SUN1: variants seen among roughly 807,000 people sequenced by gnomAD.
SUN1 encodes the protein SUN domain-containing protein 1.
SUN1 carries 61 observed loss-of-function variants against 103.2 expected under a neutral mutation model. That is an observed-to-expected ratio of 0.59 (90% CI 0.48 to 0.73). The LOEUF (loss-of-function observed/expected upper bound fraction) is 0.73. Ranked by LOEUF, SUN1 falls within the 30% of genes least tolerant of loss-of-function variation. The pLI, the probability that SUN1 is intolerant of heterozygous loss-of-function variation, is 0.00. For missense variants in SUN1, 1,052 were observed against 1,034.6 expected (o/e 1.02, Z -0.23); for synonymous variants, 490 against 425.7 (o/e 1.15, Z -1.86).
At chr7:843,622 A>C (rs1166890444) in intron 5 of SUN1, 102 bp downstream of exon 5, 3 of 1,603,624 alleles carry the variant, frequency 1.9e-6, no homozygotes, top group African/African-American at 1.3e-5. Context: ...TTGGAGACTT[A>C]AAATTATCCC....
At chr7:828,027 C>T (rs1175088363), upstream of SUN1, among the ~76,000 whole-genome samples, 1 of 151,890 alleles carries the variant, frequency 6.6e-6, no homozygotes, top group African/African-American at 2.4e-5. Context: ...CCTCAGCCTC[C>T]CGAGTAGCTG....
At chr7:824,011 T>G (rs1788968662) in intron 1 of SUN1, among the ~76,000 whole-genome samples, 1 of 152,214 alleles carries the variant, frequency 6.6e-6, no homozygotes, top group African/African-American at 2.4e-5. Context: ...CAGACCATGC[T>G]TGTGTTCTTG....
At chr7:858,613 C>G (rs528639668) in intron 13 of SUN1, among the ~76,000 whole-genome samples, 2 of 152,160 alleles carry the variant, frequency 1.3e-5, no homozygotes, top group African/African-American at 4.8e-5. Flanking sequence ...CACGCTGTAC[C>G]TGCTGCTTGC....
chr7:848,533 A>G (rs372980156), intron 5 of SUN1: 27 of 1,362,328 alleles, frequency 2.0e-5, no homozygotes, highest in Non-Finnish European at 2.5e-5. Context: ...TCAGTTATGA[A>G]TCAGAAAATT....
At chr7:824,868 G>A (rs545931374) in intron 1 of SUN1, among the ~76,000 whole-genome samples, 3 of 152,162 alleles carry the variant, frequency 2.0e-5, no homozygotes, top group South Asian at 2.1e-4. Context: ...TGCGGGGTGG[G>A]GGCGTCCGCT....
chr7:826,222 T>A (rs1050618235), intron 1 of SUN1, among the ~76,000 whole-genome samples: 7 of 150,932 alleles, frequency 4.6e-5, no homozygotes, highest in African/African-American at 1.7e-4. Flanking sequence ...AATGAGACCC[T>A]GTCTCTTAAA....
At chr7:852,552 T>A (rs1823236678) in intron 7 of SUN1, 57 bp from the exon 8 acceptor site, 1 of 1,605,874 alleles carries the variant, frequency 6.2e-7, no homozygotes, top group African/African-American at 1.3e-5. Context: ...GGAAAACAGA[T>A]TGGTGAACCC....
At chr7:817,153 T>C in intron 1 of SUN1, 1 of 415,318 alleles carries the variant, frequency 2.4e-6, no homozygotes, top group Non-Finnish European at 4.4e-6. Context: ...AGAGGGGGGG[T>C]CTCGCTGTGT....
rs1389937089 is a variant in SUN1, at chr7:842,106, C to A, written c.427C>A (p.Gln143Lys). 2 of 1,614,234 alleles carry A rather than the reference C, an allele frequency of 1.2e-6. No individual in the cohort carries two copies. Among genetic ancestry groups the A allele is most frequent in the Non-Finnish European group, 1.7e-6 (2 of 1,180,042 alleles). Residue 143 changes from glutamine (Q) to lysine (K), a missense_variant, in exon 3 of 19, where the codon CAG becomes AAG. Physicochemically the swap from Gln to Lys is moderately conservative, Grantham distance 53. Transcript: ENST00000401592. ...PVLDESWIRE[Q>K]TTVDHFWGLD... ...ATTGGACGAGTCTTGGATTCGTGAA[C>A]AGACCACAGTGGACCACTTCTGGGG...
intron 5 of SUN1, chr7:850,823 C>A (rs1821361674): frequency 6.6e-6 from 1 of 151,132 alleles, no homozygotes; most frequent in Non-Finnish European, 1.5e-5. Flanking sequence ...TGAGCAGTTT[C>A]CTGCTTTTTG....
intron 15 of SUN1, among the ~76,000 whole-genome samples, chr7:861,813 G>A (rs1252532118): frequency 6.6e-6 from 1 of 152,240 alleles, no homozygotes; most frequent in Non-Finnish European, 1.5e-5. Context: ...AGCTCTCCCC[G>A]AGGGCGTCCA....
Position 852,892 on chromosome 7 carries a change from G to A in SUN1, c.993G>A (p.Arg331=). 6.2e-7 allele frequency: 1 copy of A among 1,614,080 alleles called. No homozygotes were observed. The highest frequency in any genetic ancestry group is 8.5e-7 in the Non-Finnish European group (1 of 1,180,006). ...GGGCAAGCATGCATAGAACACAGCG[G>A]GTGGATGACCCCCAGGACGTGTTTA... ...LNWASMHRTQ[R]VDDPQDVFKP... is the part of the protein sequence containing the mutation. The change falls in exon 9 of 19, where the codon CGG becomes CGA. Residue 331 remains arginine, a synonymous_variant. Transcript: ENST00000401592.
rs762483457 is a variant in SUN1 at position 844,787 on chromosome 7, C to T, written c.658+1267C>T. Among the ~76,000 whole-genome samples, 9 of 152,166 alleles carry T rather than the reference C, an allele frequency of 5.9e-5. No individual in the cohort carries two copies. In the South Asian group the frequency reaches 1.0e-3, roughly 18 times the overall value. On this transcript the variant is annotated intron_variant, in intron 5 of 18. Coordinates refer to ENST00000401592, the MANE Select transcript of SUN1 (RefSeq NM_001130965.3). ...AGCCCCCTTATTACAGACAAGCAAACTGGGGCTTAGCCAGCTCAGGAGGCT... is the reference window on the plus strand; with the variant it reads ...AGCCCCCTTATTACAGACAAGCAAATTGGGGCTTAGCCAGCTCAGGAGGCT...
intron 1 of SUN1, chr7:817,258 C>G: frequency 2.9e-6 from 2 of 687,166 alleles, no homozygotes; most frequent in East Asian, 2.8e-5. Context: ...CCGCGCCCGG[C>G]TGATAGTCGT....
intron 17 of SUN1, among the ~76,000 whole-genome samples, chr7:871,311 C>T (rs1365262048): frequency 6.6e-6 from 1 of 152,126 alleles, no homozygotes; most frequent in Non-Finnish European, 1.5e-5. Context: ...AAATAATAAT[C>T]ATGTGTCATT....
intron 5 of SUN1, chr7:849,871 C>G (rs972127445): frequency 1.3e-6 from 2 of 1,543,938 alleles, no homozygotes; most frequent in Non-Finnish European, 1.8e-6. Context: ...CTGAGATGGA[C>G]AGAGTTTGCT....
chr7:853,747 T>G, intron 10 of SUN1, 129 bp downstream of exon 10: 2 of 1,063,908 alleles, frequency 1.9e-6, no homozygotes, highest in Non-Finnish European at 2.7e-6. Flanking sequence ...CTTTCTGTTC[T>G]TAGTTGTTGA....
chr7:855,172 G>A (rs779334007), intron 11 of SUN1, among the ~76,000 whole-genome samples, 166 bp downstream of exon 11: 1 of 152,182 alleles, frequency 6.6e-6, no homozygotes, highest in Admixed American at 6.5e-5. Flanking sequence ...AGCGGCTCTG[G>A]GGCTCTAACA....
At chr7:845,704 G>A (rs1814907993) in intron 5 of SUN1, among the ~76,000 whole-genome samples, 1 of 152,034 alleles carries the variant, frequency 6.6e-6, no homozygotes, top group African/African-American at 2.4e-5. Context: ...TGTACTAATG[G>A]TAATTCTCAC....
Sources: gnomAD v4.1 joint callset for allele counts (sites outside exome capture counted in the v4.1 genomes callset) on GRCh38, gnomAD v4.1.1 for gene constraint, MANE v1.5 for transcripts, NCBI Gene and HGNC (gene_info 2026-07-23, HGNC 2026-07-21) for gene names.